The following PACRG variants were observed in gnomAD, a reference collection of about 807,000 sequenced individuals.
PACRG encodes the protein parkin coregulated gene protein.
In PACRG, 29 loss-of-function variants were observed where a neutral mutation model predicts 29.7. The ratio of observed to expected loss-of-function variants is 0.98; its 90% CI spans 0.73 to 1.33. PACRG has a LOEUF of 1.33. PACRG is among the 40% of genes most tolerant of loss of function. PACRG has a pLI of 0.00. For synonymous variants in PACRG, 116 were observed against 118.7 expected (o/e 0.98, Z 0.15); for missense variants, 279 against 316.2 (o/e 0.88, Z 0.89).
intron 2 of PACRG, among the ~76,000 whole-genome samples, chr6:162,894,849 T>C (rs1220107450): frequency 6.6e-6 from 1 of 152,156 alleles, no homozygotes; most frequent in Non-Finnish European, 1.5e-5. Context: ...ACGAGTTGGG[T>C]AGAAATTTGT....
At chr6:162,930,918 A>G (rs973855967) in intron 2 of PACRG, among the ~76,000 whole-genome samples, 9 of 151,874 alleles carry the variant, frequency 5.9e-5, no homozygotes, top group African/African-American at 2.2e-4. Flanking sequence ...CATCCCTGGG[A>G]TGCATGCCAC....
intron 2 of PACRG, among the ~76,000 whole-genome samples, chr6:163,054,856 G>A (rs55934883): frequency 0.12 from 18,099 of 152,104 alleles, 1,168 homozygotes; most frequent in South Asian, 0.16. Context: ...GGGCAGGAAA[G>A]ATGGAGAGGG....
Position 163,006,808 on chromosome 6 carries a change from TA to T in PACRG, c.292-55340del, listed in dbSNP as rs1327219998. Among the ~76,000 whole-genome samples, 18 of 152,030 alleles carry T rather than the reference TA, an allele frequency of 1.2e-4. 1 individual carries two copies. The highest frequency in any genetic ancestry group is 1.2e-3 in the Admixed American group (18 of 15,262). The stretch of plus-strand genomic sequence containing the variant: ...CATTATTTTATCTTTTTTCATTTTT[TA>T]ATTTTAACCTATTTGTGCCTTTATA... On this transcript the variant is annotated intron_variant, in intron 2 of 4. Transcript: ENST00000366888.
intron 4 of PACRG, among the ~76,000 whole-genome samples, chr6:163,227,445 G>A (rs1781851088): frequency 6.6e-6 from 1 of 152,278 alleles, no homozygotes; most frequent in South Asian, 2.1e-4. Context: ...CAACATTTGA[G>A]CGCGATCAGA....
chr6:163,222,111 T>C (rs1448831314), intron 4 of PACRG, among the ~76,000 whole-genome samples: 6 of 152,190 alleles, frequency 3.9e-5, no homozygotes, highest in African/African-American at 1.4e-4. Flanking sequence ...CTGTAAAGTA[T>C]TTTGTAAACT....
intron 4 of PACRG, among the ~76,000 whole-genome samples, chr6:163,304,854 T>G (rs1785137102): frequency 6.6e-6 from 1 of 152,166 alleles, no homozygotes; most frequent in Non-Finnish European, 1.5e-5. Context: ...GACTGGGGTT[T>G]TGAATCGGAT....
chr6:163,184,833 A>G (rs142465095), intron 4 of PACRG: 5 of 152,326 alleles, frequency 3.3e-5, no homozygotes, highest in Admixed American at 6.5e-5. Context: ...ACCATTCTTG[A>G]AAAAGGCAGT....
At chr6:163,179,954 C>G (rs1207610630) in intron 4 of PACRG, among the ~76,000 whole-genome samples, 2 of 152,226 alleles carry the variant, frequency 1.3e-5, no homozygotes, top group African/African-American at 4.8e-5. Context: ...CCGAGCCCTC[C>G]TGGGAGGTTC....
At chr6:163,101,640 G>C (rs1006087172) in intron 4 of PACRG, among the ~76,000 whole-genome samples, 2 of 152,150 alleles carry the variant, frequency 1.3e-5, no homozygotes, top group Non-Finnish European at 2.9e-5. Flanking sequence ...CAACCATGGA[G>C]TGAGGAGAAG....
chr6:162,747,392 A>AAC (rs1292453856), intron 1 of PACRG, among the ~76,000 whole-genome samples: 2,687 of 32,580 alleles, frequency 0.082, 635 homozygotes, highest in African/African-American at 0.26. Context: ...ATATATATGT[A>AAC]TATATATATG....
intron 4 of PACRG, among the ~76,000 whole-genome samples, chr6:163,152,900 G>A (rs1778157293): frequency 6.6e-6 from 1 of 152,062 alleles, no homozygotes; most frequent in South Asian, 2.1e-4. Flanking sequence ...TCCTGAACAC[G>A]GCCTATTAAC....
At chr6:163,205,483 G>C in intron 4 of PACRG, among the ~76,000 whole-genome samples, 1 of 152,160 alleles carries the variant, frequency 6.6e-6, no homozygotes. Context: ...TTCAATAAAT[G>C]GTGGTGGGAT....
At chr6:163,117,407 TC>T (rs1351603259) in intron 4 of PACRG, among the ~76,000 whole-genome samples, 1 of 152,026 alleles carries the variant, frequency 6.6e-6, no homozygotes, top group Non-Finnish European at 1.5e-5. Context: ...TGGTGAGGGC[TC>T]CCAGGAAATC....
chr6:163,089,452 A>G, intron 4 of PACRG, 44 bp downstream of exon 4: 1 of 1,600,792 alleles, frequency 6.2e-7, no homozygotes, highest in Admixed American at 1.7e-5. Flanking sequence ...GCCAAAGAAA[A>G]AGGGAGTGGT....
chr6:162,844,847 G>C (rs1225381389), intron 2 of PACRG, among the ~76,000 whole-genome samples: 1 of 152,102 alleles, frequency 6.6e-6, no homozygotes, highest in Non-Finnish European at 1.5e-5. Flanking sequence ...TAACATGAAG[G>C]CTAGTTCTGT....
intron 4 of PACRG, among the ~76,000 whole-genome samples, chr6:163,200,594 G>A (rs76258269): frequency 0.029 from 4,343 of 152,222 alleles, 197 homozygotes; most frequent in African/African-American, 0.099. Context: ...CATGCAAGAT[G>A]TATTGACAGG....
chr6:162,858,439 A>G lies in PACRG; in HGVS notation c.291+44158A>G, dbSNP rs149589154. ...TTTGACCCATGGGTATAACAATTCAAGATGAGATTTGGGTGGGGACACAGA... is the reference window on the plus strand; with the variant it reads ...TTTGACCCATGGGTATAACAATTCAGGATGAGATTTGGGTGGGGACACAGA... On this transcript the variant is annotated intron_variant, in intron 2 of 4. Coordinates refer to ENST00000366888, the MANE Select transcript of PACRG (RefSeq NM_001080379.2). Among the ~76,000 whole-genome samples the G allele has an allele frequency of 2.9e-3, 438 of 152,322 alleles. 3 individuals carry two copies. Among genetic ancestry groups the G allele is most frequent in the African/African-American group, 9.7e-3 (403 of 41,578 alleles).
chr6:163,283,985 T>C (rs997730687), intron 4 of PACRG, among the ~76,000 whole-genome samples: 1 of 151,204 alleles, frequency 6.6e-6, no homozygotes, highest in African/African-American at 2.4e-5. Flanking sequence ...TGGCGGTGCA[T>C]GCCTGTAATC....
intron 2 of PACRG, among the ~76,000 whole-genome samples, chr6:162,933,363 G>A (rs988990909): frequency 6.6e-6 from 1 of 152,004 alleles, no homozygotes; most frequent in Non-Finnish European, 1.5e-5. Flanking sequence ...CATTTGCTCT[G>A]TAGTGCAGTT....
Sources: gnomAD v4.1 joint callset for allele counts (sites outside exome capture counted in the v4.1 genomes callset) on GRCh38, gnomAD v4.1.1 for gene constraint, MANE v1.5 for transcripts, NCBI Gene and HGNC (gene_info 2026-07-23, HGNC 2026-07-21) for gene names.